The following RBM39 variants were observed in gnomAD, a reference collection of about 807,000 sequenced individuals.
RBM39 encodes the protein RNA binding motif protein 39, also known as RNA-binding protein 39.
In RBM39, 12 loss-of-function variants were observed where a neutral mutation model predicts 79.6. The ratio of observed to expected loss-of-function variants is 0.15; its 90% CI spans 0.10 to 0.24. RBM39 has a LOEUF of 0.24. RBM39 is among the 10% of genes least tolerant of loss of function. RBM39 has a pLI of 1.00. For synonymous variants in RBM39, 185 were observed against 208.4 expected (o/e 0.89, Z 0.97); for missense variants, 243 against 653.4 (o/e 0.37, Z 6.85).
intron 3 of RBM39, among the ~76,000 whole-genome samples, chr20:35,733,140 C>G (rs1225984768): frequency 6.6e-6 from 1 of 151,106 alleles, no homozygotes; most frequent in Non-Finnish European, 1.5e-5. Context: ...CCCTCTCTAC[C>G]AAAAATACAA....
intron 3 of RBM39, among the ~76,000 whole-genome samples, chr20:35,737,428 C>T (rs2040053605): frequency 1.3e-5 from 2 of 149,528 alleles, no homozygotes; most frequent in African/African-American, 4.9e-5. Context: ...GGCGTGGTGG[C>T]AGGAACCTGT....
chr20:35,708,038 C>T (rs747270989), intron 13 of RBM39: 11 of 347,348 alleles, frequency 3.2e-5, no homozygotes, highest in Non-Finnish European at 5.9e-5. Context: ...TTAAAATAAA[C>T]GATCACTTAA....
intron 3 of RBM39, chr20:35,732,615 AAT>A: frequency 6.4e-6 from 1 of 156,632 alleles, no homozygotes; most frequent in South Asian, 1.8e-4. Context: ...CATTACTGAA[AAT>A]CAGCAGACAA....
chr20:35,709,528 C>T (rs1168009554), intron 12 of RBM39, among the ~76,000 whole-genome samples: 2 of 152,082 alleles, frequency 1.3e-5, no homozygotes, highest in Non-Finnish European at 2.9e-5. Context: ...ATTTTCACTA[C>T]ACTACTATAC....
chr20:35,722,594 C>T (rs1176578571), intron 8 of RBM39, among the ~76,000 whole-genome samples: 1 of 151,398 alleles, frequency 6.6e-6, no homozygotes, highest in Non-Finnish European at 1.5e-5. Context: ...ACATCATACC[C>T]TGCTTATTTT....
chr20:35,736,531 G>C (rs969027302), intron 3 of RBM39: 1 of 469,972 alleles, frequency 2.1e-6, no homozygotes, highest in Non-Finnish European at 4.4e-6. Context: ...GTTGTAGTGA[G>C]AAAGACTGAC....
intron 9 of RBM39, among the ~76,000 whole-genome samples, chr20:35,721,405 C>T (rs2037924033): frequency 6.6e-6 from 1 of 152,170 alleles, no homozygotes; most frequent in South Asian, 2.1e-4. Flanking sequence ...CTCACTGCAA[C>T]CTTGAAATCC....
At chr20:35,707,224 T>TA (rs1438933616) in intron 13 of RBM39, 23 bp from the exon 14 acceptor site, 2 of 1,562,756 alleles carry the variant, frequency 1.3e-6, no homozygotes, top group South Asian at 1.1e-5. Flanking sequence ...AGAGAAAAAT[T>TA]AGTTTCATGG....
chr20:35,707,060 T>C (rs1298352411), intron 14 of RBM39, 60 bp downstream of exon 14: 9 of 588,774 alleles, frequency 1.5e-5, no homozygotes, highest in Middle Eastern at 4.7e-4. Flanking sequence ...AAGAGAAATA[T>C]ATAAAACAAC....
intron 9 of RBM39, among the ~76,000 whole-genome samples, chr20:35,719,587 G>C (rs544177469): frequency 6.6e-6 from 1 of 151,972 alleles, no homozygotes; most frequent in Non-Finnish European, 1.5e-5. Context: ...TGAGGCAGGA[G>C]AATCAATTGA....
chr20:35,730,021 C>A (rs1327073930), intron 4 of RBM39, among the ~76,000 whole-genome samples: 1 of 152,122 alleles, frequency 6.6e-6, no homozygotes. Flanking sequence ...TGAAAGACTT[C>A]TTTTAAAAAC....
intron 3 of RBM39, among the ~76,000 whole-genome samples, chr20:35,733,320 A>C (rs895272466): frequency 9.9e-5 from 11 of 111,320 alleles, no homozygotes; most frequent in East Asian, 2.8e-4. Context: ...AAAAAAAAAA[A>C]CCCAACTCCA....
intron 3 of RBM39, among the ~76,000 whole-genome samples, 185 bp downstream of exon 3, chr20:35,738,783 C>G (rs3737261): frequency 6.6e-6 from 1 of 152,108 alleles, no homozygotes; most frequent in African/African-American, 2.4e-5. Context: ...ATTCTGAAAT[C>G]TAAGCAAAAA....
In RBM39 at chr20:35,703,293, A is replaced by G. The variant is rs964146591; in HGVS notation, c.*1188T>C. On this transcript the variant is annotated 3_prime_UTR_variant, in exon 17 of 17. Coordinates refer to ENST00000253363, the MANE Select transcript of RBM39 (RefSeq NM_184234.3). ...CAGTTTGAAGTTAAGCCATTTTGTT[A>G]AGTATGTATTGTAAATGGTGAAAAT... 6.6e-6 allele frequency: 1 copy of G among 152,192 alleles called. No homozygotes were observed. The highest frequency in any genetic ancestry group is 1.5e-5 in the Non-Finnish European group (1 of 68,038). 9.4% of individuals were successfully genotyped at this position (152,192 alleles called of 1,614,324 possible). A position where few individuals can be genotyped will look rare whatever the true frequency, so the allele number is the denominator to read the frequency against.
chr20:35,707,971 C>G (rs1445525943), intron 13 of RBM39: 1 of 443,712 alleles, frequency 2.3e-6, no homozygotes. Flanking sequence ...AATTTCATTC[C>G]AAAACATAAT....
intron 9 of RBM39, among the ~76,000 whole-genome samples, chr20:35,719,729 TTTAAA>T (rs1251020620): frequency 6.6e-6 from 1 of 152,180 alleles, no homozygotes; most frequent in Non-Finnish European, 1.5e-5. Context: ...ATAAAAATAA[TTTAAA>T]TATCAACTGT....
At chr20:35,716,224 C>A (rs1355178737) in intron 10 of RBM39, among the ~76,000 whole-genome samples, 3 of 152,072 alleles carry the variant, frequency 2.0e-5, no homozygotes, top group South Asian at 2.1e-4. Flanking sequence ...CAGTTGAGCA[C>A]CACCATGCTT....
chr20:35,705,859 T>C (rs1471458952), intron 14 of RBM39, among the ~76,000 whole-genome samples: 1 of 151,874 alleles, frequency 6.6e-6, no homozygotes, highest in South Asian at 2.1e-4. Flanking sequence ...ATAGAAAATA[T>C]TGATCCCATC....
At chr20:35,726,370 A>T (rs1423323309) in intron 6 of RBM39, among the ~76,000 whole-genome samples, 1 of 152,080 alleles carries the variant, frequency 6.6e-6, no homozygotes, top group Admixed American at 6.6e-5. Context: ...TGATCTCGTG[A>T]TCCACCCGCC....
Sources: gnomAD v4.1 joint callset for allele counts (sites outside exome capture counted in the v4.1 genomes callset) on GRCh38, gnomAD v4.1.1 for gene constraint, MANE v1.5 for transcripts, NCBI Gene and HGNC (gene_info 2026-07-23, HGNC 2026-07-21) for gene names.